ZFHX3: variants seen among roughly 807,000 people sequenced by gnomAD.
ZFHX3 encodes the protein zinc finger homeobox 3.
A neutral mutation model predicts 279.1 loss-of-function variants in ZFHX3; 42 were observed. The ratio of observed to expected loss-of-function variants is 0.15; its 90% CI spans 0.12 to 0.19. The LOEUF (loss-of-function observed/expected upper bound fraction) is 0.19. Among genes scored for constraint, ZFHX3 ranks in the 10% least tolerant of loss-of-function variants. The pLI, the probability that ZFHX3 is intolerant of heterozygous loss-of-function variation, is 1.00. For missense variants in ZFHX3, 4,981 were observed against 4,754.0 expected (o/e 1.05, Z -1.40); for synonymous variants, 2,293 against 1,957.8 (o/e 1.17, Z -4.52).
chr16:73,306,649 A>G (rs2015187693), intron 4 of ZFHX3, among the ~76,000 whole-genome samples: 1 of 152,174 alleles, frequency 6.6e-6, no homozygotes, highest in Non-Finnish European at 1.5e-5. Context: ...ATGCCTCCAA[A>G]TGGAATATGC....
chr16:73,366,979 C>T (rs893084506), intron 3 of ZFHX3, among the ~76,000 whole-genome samples: 3 of 152,132 alleles, frequency 2.0e-5, no homozygotes, highest in Middle Eastern at 3.4e-3. Flanking sequence ...TTTGTGCGGG[C>T]CCAGGACTTT....
chr16:73,168,279 C>CTTTCTTTCTTTCTTTCTTTCTTTCTTTT (rs1555502322), intron 5 of ZFHX3, among the ~76,000 whole-genome samples: 18 of 143,744 alleles, frequency 1.3e-4, no homozygotes, highest in African/African-American at 4.5e-4. Flanking sequence ...TTCTTTCTTT[C>CTTTCTTTCTTTCTTTCTTTCTTTCTTTT]GAGACAAAGT....
At chr16:73,241,518 C>T (rs559011274) in intron 5 of ZFHX3, among the ~76,000 whole-genome samples, 74 of 152,180 alleles carry the variant, frequency 4.9e-4, no homozygotes, top group African/African-American at 1.3e-3. Flanking sequence ...GGGCCGGGCG[C>T]GGTGGCTCAT....
chr16:73,700,508 C>G (rs542552694), intron 1 of ZFHX3, among the ~76,000 whole-genome samples: 8 of 152,116 alleles, frequency 5.3e-5, no homozygotes, highest in Non-Finnish European at 1.2e-4. Flanking sequence ...TTGTAGAATA[C>G]ATGTTATTTT....
intron 4 of ZFHX3, among the ~76,000 whole-genome samples, chr16:72,866,593 G>C (rs1280353538): frequency 6.6e-6 from 1 of 152,168 alleles, no homozygotes; most frequent in East Asian, 1.9e-4. Context: ...ACTTATAAAA[G>C]CTTCTGCAAC....
intron 7 of ZFHX3, among the ~76,000 whole-genome samples, chr16:73,112,922 A>T (rs922216383): frequency 4.0e-5 from 6 of 151,866 alleles, no homozygotes; most frequent in African/African-American, 1.5e-4. Context: ...CCCGCCCTGG[A>T]GTTATCCTGC....
chr16:73,822,758 C>G (rs1461876233), intron 1 of ZFHX3, among the ~76,000 whole-genome samples: 1 of 152,224 alleles, frequency 6.6e-6, no homozygotes, highest in Non-Finnish European at 1.5e-5. Context: ...ACATTTCTAA[C>G]AGATGCCAGA....
intron 4 of ZFHX3, among the ~76,000 whole-genome samples, chr16:73,285,621 T>C (rs2014576399): frequency 6.6e-6 from 1 of 152,216 alleles, no homozygotes; most frequent in East Asian, 1.9e-4. Context: ...GAAATGCATA[T>C]TTTTTGACAT....
chr16:73,160,727 T>TCCTGTCA (rs1597192682), intron 5 of ZFHX3, among the ~76,000 whole-genome samples: 2 of 151,876 alleles, frequency 1.3e-5, no homozygotes, highest in East Asian at 3.9e-4. Flanking sequence ...AAAATAGGAA[T>TCCTGTCA]CCTGTCACGG....
intron 2 of ZFHX3, among the ~76,000 whole-genome samples, chr16:73,620,366 G>A (rs1359645863): frequency 6.6e-6 from 1 of 152,098 alleles, no homozygotes; most frequent in Non-Finnish European, 1.5e-5. Context: ...AATAAATGGG[G>A]GAAAAAAACA....
At chr16:72,921,544 T>C (rs146249156) in intron 3 of ZFHX3, among the ~76,000 whole-genome samples, 1 of 152,342 alleles carries the variant, frequency 6.6e-6, no homozygotes, top group East Asian at 1.9e-4. Flanking sequence ...CTCACTTTCA[T>C]TTGGCTTTGG....
rs138499473 is a variant in ZFHX3, at chr16:73,144,853, T to TC, written c.-1103-1023dup. Among the ~76,000 whole-genome samples the TC allele has an allele frequency of 2.5e-3, 379 of 152,288 alleles. 2 individuals carry two copies. Among genetic ancestry groups the TC allele is most frequent in the African/African-American group, 8.5e-3 (352 of 41,544 alleles). On this transcript the variant is annotated intron_variant, in intron 5 of 17. Coordinates refer to the ZFHX3 transcript ENST00000641206. ...TTGAACAACTGTGTTATAAAGCACA[T>TC]CTCAAGCTGACATTCCTGGGATAAT...
At chr16:73,839,792 C>A (rs1567426888) in intron 1 of ZFHX3, among the ~76,000 whole-genome samples, 1 of 152,226 alleles carries the variant, frequency 6.6e-6, no homozygotes, top group Non-Finnish European at 1.5e-5. Flanking sequence ...TGCCCTCCGA[C>A]ATGGGAAACA....
chr16:73,010,698 T>G (rs1430848420), intron 1 of ZFHX3, among the ~76,000 whole-genome samples: 1 of 152,114 alleles, frequency 6.6e-6, no homozygotes, highest in East Asian at 1.9e-4. Context: ...GTGTCTGTCT[T>G]CAGAAACCAC....
At chr16:73,419,956 G>C (rs2143488527) in intron 3 of ZFHX3, 1 of 151,730 alleles carries the variant, frequency 6.6e-6, no homozygotes, top group African/African-American at 2.4e-5. Flanking sequence ...ACCCAGGCTG[G>C]AGTCCAGAGG....
intron 1 of ZFHX3, among the ~76,000 whole-genome samples, chr16:73,019,357 TGTGTGTGTGTGC>T (rs1467203694): frequency 1.3e-5 from 2 of 151,958 alleles, no homozygotes; most frequent in African/African-American, 4.8e-5. Flanking sequence ...TGTGTGTGTG[TGTGTGTGTGTGC>T]GTGTGCGTGT....
intron 2 of ZFHX3, among the ~76,000 whole-genome samples, chr16:73,659,460 C>G (rs979082065): frequency 5.0e-5 from 2 of 39,612 alleles, no homozygotes; most frequent in Admixed American, 3.7e-4. Flanking sequence ...GTAGCTTTCT[C>G]TCATGAAGAA....
intron 8 of ZFHX3, chr16:73,092,679 C>T (rs774919449): frequency 8.4e-5 from 24 of 284,834 alleles, no homozygotes; most frequent in Admixed American, 1.5e-4. Flanking sequence ...GACACACACG[C>T]GGGCTGGCTT....
intron 3 of ZFHX3, among the ~76,000 whole-genome samples, chr16:73,419,591 T>C (rs372318199): frequency 1.3e-5 from 2 of 152,204 alleles, no homozygotes; most frequent in East Asian, 1.9e-4. Flanking sequence ...TTCCCACCTT[T>C]GCTAGCATTT....
Sources: gnomAD v4.1 joint callset for allele counts (sites outside exome capture counted in the v4.1 genomes callset) on GRCh38, gnomAD v4.1.1 for gene constraint, MANE v1.5 for transcripts, NCBI Gene and HGNC (gene_info 2026-07-23, HGNC 2026-07-21) for gene names.